The following PRKAG2 variants were observed in gnomAD, a reference collection of about 807,000 sequenced individuals.
PRKAG2 encodes the protein protein kinase AMP-activated non-catalytic subunit gamma 2, also known as 5'-AMP-activated protein kinase subunit gamma-2.
A neutral mutation model predicts 69.6 loss-of-function variants in PRKAG2; 26 were observed. The ratio of observed to expected loss-of-function variants is 0.37; its 90% CI spans 0.27 to 0.52. The LOEUF is 0.52. PRKAG2 is among the 20% of genes least tolerant of loss of function. The probability of loss-of-function intolerance (pLI) is 0.90; values close to 1 mark genes in which losing one functional copy is unlikely to be tolerated. For missense variants in PRKAG2, 557 were observed against 740.0 expected, an observed-to-expected ratio of 0.75 and a Z score of 2.87; for synonymous variants, 293 against 285.0, an observed-to-expected ratio of 1.03 and a Z score of -0.28.
At chr7:151,773,790 C>G (rs574554939) in intron 3 of PRKAG2, among the ~76,000 whole-genome samples, 3 of 152,278 alleles carry the variant, frequency 2.0e-5, no homozygotes, top group East Asian at 3.9e-4. Context: ...TCTTTTGAAG[C>G]TAAAGATTCA....
Position 151,873,161 on chromosome 7 carries a change from C to T in PRKAG2, c.114+3346G>A, listed in dbSNP as rs1406026894. Among the ~76,000 whole-genome samples, 4 of 152,206 alleles carry T rather than the reference C, an allele frequency of 2.6e-5. No homozygotes were observed. In the East Asian group the frequency reaches 7.7e-4, roughly 29 times the overall value. ...CTCAAAGCATTTCCTATGACTCTAG[C>T]TCTCAAACCCTTTCGCCAGGAGGCG... On this transcript the variant is annotated intron_variant, in intron 1 of 15. Transcript: ENST00000287878.
chr7:151,838,876 G>A (rs1279705572), intron 1 of PRKAG2, among the ~76,000 whole-genome samples: 1 of 151,922 alleles, frequency 6.6e-6, no homozygotes, highest in Non-Finnish European at 1.5e-5. Flanking sequence ...TTAGCCAGGC[G>A]TGTTGGCTCA....
chr7:151,762,563 G>A (rs2075482213), intron 3 of PRKAG2, among the ~76,000 whole-genome samples: 2 of 152,082 alleles, frequency 1.3e-5, no homozygotes, highest in South Asian at 4.1e-4. Context: ...AAAATACAGG[G>A]GTTTGGTGGA....
intron 3 of PRKAG2, among the ~76,000 whole-genome samples, chr7:151,692,256 C>T (rs1046650429): frequency 6.6e-6 from 1 of 152,194 alleles, no homozygotes; most frequent in African/African-American, 2.4e-5. Context: ...CAATAGAACA[C>T]TACTCAGTAA....
chr7:151,643,352 G>A (rs1208604408), intron 4 of PRKAG2, among the ~76,000 whole-genome samples: 1 of 152,194 alleles, frequency 6.6e-6, no homozygotes, highest in Non-Finnish European at 1.5e-5. Flanking sequence ...GAATGATATA[G>A]TGTCACAAGG....
chr7:151,719,233 C>T lies in PRKAG2; in HGVS notation c.467-43596G>A, dbSNP rs527432153. ...AGGGAGAGAGGTCCTGCCCCACTCC[C>T]GGTCTCTGCAACATGCTTCCCGGCC... On this transcript the variant is annotated intron_variant, in intron 3 of 15. Transcript: ENST00000287878. The surrounding 1 kb of genome is among the most constrained non-coding windows in gnomAD (Gnocchi z 5.2). Among the ~76,000 whole-genome samples the T allele has an allele frequency of 2.2e-3, 337 of 152,310 alleles. No individual in the cohort carries two copies. Among genetic ancestry groups the T allele is most frequent in the African/African-American group, 7.6e-3 (314 of 41,580 alleles).
Position 151,814,371 on chromosome 7 carries a change from C to T in PRKAG2, c.115-27830G>A. On this transcript the variant is annotated intron_variant, in intron 1 of 15. Transcript: ENST00000287878. The surrounding 1 kb of genome is among the most constrained non-coding windows in gnomAD (Gnocchi z 4.8). The stretch of plus-strand genomic sequence containing the variant: ...GGAAAACCGCACACCCAGGGACGCA[C>T]AATCACTATGCATTTAGAAAGCCAG... 1 of 1,191,594 alleles carries T rather than the reference C, an allele frequency of 8.4e-7. No homozygotes were observed. The highest frequency in any genetic ancestry group is 1.0e-6 in the Non-Finnish European group (1 of 957,662). 73.8% of individuals were successfully genotyped at this position (1,191,594 alleles called of 1,614,324 possible). A position where few individuals can be genotyped will look rare whatever the true frequency, so the allele number is the denominator to read the frequency against.
At chr7:151,854,728 G>C (rs1344699457) in intron 1 of PRKAG2, among the ~76,000 whole-genome samples, 4 of 152,202 alleles carry the variant, frequency 2.6e-5, no homozygotes, top group Non-Finnish European at 4.4e-5. Context: ...CACAGAATCA[G>C]GGTGCCTGGT....
At chr7:151,672,532 C>T (rs1385069071) in intron 4 of PRKAG2, among the ~76,000 whole-genome samples, 1 of 152,082 alleles carries the variant, frequency 6.6e-6, no homozygotes, top group Non-Finnish European at 1.5e-5. Context: ...AACACTAACT[C>T]ATCTTTTCCC....
At chr7:151,566,624 T>A (rs1283619922) in intron 11 of PRKAG2, 1 of 444,384 alleles carries the variant, frequency 2.3e-6, no homozygotes, top group Admixed American at 2.5e-5. Flanking sequence ...CTTATAATTA[T>A]CAGGAAAAGA....
chr7:151,668,782 T>TCTCA lies in PRKAG2; in HGVS notation c.684+6634_684+6637dup, dbSNP rs550332933. ...CTTTGCTCAGCTTCTTCTTCCTTTC[T>TCTCA]CTCACCCTCTTACAGGTTCCTTCCG... On this transcript the variant is annotated intron_variant, in intron 4 of 15. Coordinates refer to ENST00000287878, the MANE Select transcript of PRKAG2 (RefSeq NM_016203.4). 3.0e-4 allele frequency among the ~76,000 whole-genome samples: 45 copies of TCTCA among 152,316 alleles called. No homozygotes were observed. The East Asian group carries it at 8.3e-3, about 28-fold the overall frequency.
rs1389636258 is a variant in PRKAG2, at chr7:151,828,414, G to A, written c.115-41873C>T. ...TGCTCAGTAAATATTTGTTTAAAGA[G>A]AGAATGAACAGTTTAATGCATGAAG... On this transcript the variant is annotated intron_variant, in intron 1 of 15. Transcript: ENST00000287878. The surrounding 1 kb of genome is among the most constrained non-coding windows in gnomAD (Gnocchi z 4.6). Among the ~76,000 whole-genome samples the A allele has an allele frequency of 6.6e-6, 1 of 152,148 alleles. No individual in the cohort carries two copies. Among genetic ancestry groups the A allele is most frequent in the African/African-American group, 2.4e-5 (1 of 41,414 alleles).
intron 3 of PRKAG2, among the ~76,000 whole-genome samples, chr7:151,712,050 T>C (rs769421246): frequency 1.3e-5 from 2 of 152,172 alleles, no homozygotes; most frequent in African/African-American, 4.8e-5. Flanking sequence ...CATGTCAGGG[T>C]GTGACTGCCC....
At chr7:151,700,354 A>G (rs1837464013) in intron 3 of PRKAG2, among the ~76,000 whole-genome samples, 2 of 152,120 alleles carry the variant, frequency 1.3e-5, no homozygotes, top group South Asian at 4.1e-4. Context: ...CCTGTTTGTT[A>G]GACACGCAGA....
Position 151,835,774 on chromosome 7 carries a change from G to A in PRKAG2, c.114+40733C>T, listed in dbSNP as rs546479244. 7.9e-5 allele frequency among the ~76,000 whole-genome samples: 12 copies of A among 152,290 alleles called. No homozygotes were observed. Among genetic ancestry groups the A allele is most frequent in the Middle Eastern group, 3.4e-3 (1 of 294 alleles). ...TCCATTGGTCTGGATCGGACATCCC[G>A]GGGGCTCTCGTGGGCAGCCTGGTGA... On this transcript the variant is annotated intron_variant, in intron 1 of 15. Coordinates refer to ENST00000287878, the MANE Select transcript of PRKAG2 (RefSeq NM_016203.4). This position sits in a 1 kb window ranked among gnomAD's most constrained non-coding sequence, Gnocchi z 4.1.
chr7:151,727,976 G>A (rs750896701), intron 3 of PRKAG2, among the ~76,000 whole-genome samples: 2 of 152,148 alleles, frequency 1.3e-5, no homozygotes, highest in East Asian at 1.9e-4. Context: ...TGGGGCGGAC[G>A]CCCGGACACT....
In PRKAG2 at chr7:151,756,094, G is replaced by A. The variant is rs1231783313; in HGVS notation, c.466+25058C>T. Among the ~76,000 whole-genome samples the A allele has an allele frequency of 6.6e-6, 1 of 152,044 alleles. No individual in the cohort carries two copies. Among genetic ancestry groups the A allele is most frequent in the Non-Finnish European group, 1.5e-5 (1 of 68,014 alleles). The stretch of plus-strand genomic sequence containing the variant: ...CTCCTCTTCTCAGGCCTCTCCCCCT[G>A]GACCACCAGTGATGCCGGCAGCCAC... On this transcript the variant is annotated intron_variant, in intron 3 of 15. Coordinates refer to ENST00000287878, the MANE Select transcript of PRKAG2 (RefSeq NM_016203.4). The surrounding 1 kb of genome is among the most constrained non-coding windows in gnomAD (Gnocchi z 4.9).
chr7:151,576,196 C>T, intron 7 of PRKAG2, 175 bp downstream of exon 7: 1 of 690,168 alleles, frequency 1.4e-6, no homozygotes, highest in Non-Finnish European at 2.5e-6. Flanking sequence ...CTGCCTTGGC[C>T]TCCCAAAGTG....
chr7:151,607,702 C>A lies in PRKAG2; in HGVS notation c.755-12248G>T, dbSNP rs868555623. On this transcript the variant is annotated intron_variant, in intron 5 of 15. Transcript: ENST00000287878. ...ATCTCTAGGATCATTTCAACATATC[C>A]TTTTCAAAGGAAGGGTTTGAACTTT... 3.9e-5 allele frequency among the ~76,000 whole-genome samples: 6 copies of A among 152,302 alleles called. No homozygotes were observed. The South Asian group carries it at 1.0e-3, about 26-fold the overall frequency.
Sources: gnomAD v4.1 joint callset for allele counts (sites outside exome capture counted in the v4.1 genomes callset) on GRCh38, gnomAD v4.1.1 for gene constraint, Gnocchi (gnomAD v3.1) non-coding constraint, MANE v1.5 for transcripts, NCBI Gene and HGNC (gene_info 2026-07-23, HGNC 2026-07-21) for gene names.